Variants in GRIK4 observed in about 807,000 individuals in gnomAD.
GRIK4 encodes the protein glutamate receptor ionotropic, kainate 4.
A neutral mutation model predicts 104.9 loss-of-function variants in GRIK4; 40 were observed. That is an observed-to-expected ratio of 0.38 (90% CI 0.30 to 0.50). GRIK4 has a LOEUF of 0.50. Among genes scored for constraint, GRIK4 ranks in the 20% least tolerant of loss-of-function variants. The pLI, the probability that GRIK4 is intolerant of heterozygous loss-of-function variation, is 0.93. For missense variants in GRIK4, 1,047 were observed against 1,308.1 expected (o/e 0.80, Z 3.08); for synonymous variants, 485 against 524.9 (o/e 0.92, Z 1.04).
At chr11:120,674,390 G>A (rs1565288080) in intron 3 of GRIK4, among the ~76,000 whole-genome samples, 1 of 152,122 alleles carries the variant, frequency 6.6e-6, no homozygotes. Flanking sequence ...TCTAGATCTC[G>A]ACACGTGCCT....
At chr11:120,663,099 A>G (rs933198861) in intron 3 of GRIK4, among the ~76,000 whole-genome samples, 5 of 152,156 alleles carry the variant, frequency 3.3e-5, no homozygotes, top group Non-Finnish European at 5.9e-5. Flanking sequence ...TCCATCATCT[A>G]TCTTCTGAAA....
chr11:120,788,768 C>G (rs1952338712), intron 3 of GRIK4, among the ~76,000 whole-genome samples: 1 of 151,980 alleles, frequency 6.6e-6, no homozygotes, highest in African/African-American at 2.4e-5. Flanking sequence ...AACACCCTTC[C>G]TTGGAGGTTG....
Position 120,815,460 on chromosome 11 carries a change from C to G in GRIK4, c.330C>G (p.Ile110Met). ...CCTCCAGCTCCATCATCAGCAACATCTGTGGAGAGAAGGAGGTGAGTGTGA... is the reference window on the plus strand; with the variant it reads ...CCTCCAGCTCCATCATCAGCAACATGTGTGGAGAGAAGGAGGTGAGTGTGA... ...SPASSSIISNICGEKEVPHFK... is the reference protein window; with the variant it reads ...SPASSSIISNMCGEKEVPHFK... The change falls in exon 5 of 21, where the codon ATC (isoleucine) becomes ATG (methionine). Residue 110 changes from isoleucine (I) to methionine (M), a missense_variant. Around this residue, in one of 3 missense-constraint regions of GRIK4, gnomAD observed 447 missense variants for 514.9 expected, o/e 0.87. Transcript: ENST00000527524. The G allele has an allele frequency of 6.5e-7, 1 of 1,545,246 alleles. No individual in the cohort carries two copies. Among genetic ancestry groups the G allele is most frequent in the Non-Finnish European group, 8.8e-7 (1 of 1,142,006 alleles).
chr11:120,858,116 A>G (rs1445016150), intron 8 of GRIK4: 1 of 152,124 alleles, frequency 6.6e-6, no homozygotes, highest in African/African-American at 2.4e-5. Context: ...CCCCATGAGA[A>G]CCTGTTCCAC....
At chr11:120,884,957 G>A (rs757703205) in intron 11 of GRIK4, among the ~76,000 whole-genome samples, 8 of 152,218 alleles carry the variant, frequency 5.3e-5, no homozygotes, top group Non-Finnish European at 1.0e-4. Flanking sequence ...GCAAGTAACC[G>A]GCTTCCTTCC....
At chr11:120,753,727 G>A (rs1437861110) in intron 3 of GRIK4, among the ~76,000 whole-genome samples, 2 of 152,132 alleles carry the variant, frequency 1.3e-5, no homozygotes, top group African/African-American at 4.8e-5. Flanking sequence ...AAAATTAGAG[G>A]CTTGAGAATA....
chr11:120,791,158 A>G (rs1952386104), intron 3 of GRIK4, among the ~76,000 whole-genome samples: 1 of 152,104 alleles, frequency 6.6e-6, no homozygotes, highest in Non-Finnish European at 1.5e-5. Context: ...AGGGTGTAAA[A>G]TTGGGGGACA....
intron 9 of GRIK4, among the ~76,000 whole-genome samples, chr11:120,867,528 C>T (rs1210472985): frequency 1.3e-5 from 2 of 152,006 alleles, no homozygotes; most frequent in Non-Finnish European, 2.9e-5. Context: ...TTTCTTCACT[C>T]TTGGCACTTT....
intron 3 of GRIK4, among the ~76,000 whole-genome samples, chr11:120,799,879 C>T (rs142096464): frequency 5.6e-4 from 85 of 152,172 alleles, no homozygotes; most frequent in African/African-American, 2.0e-3. Context: ...CAGAGTTTTG[C>T]TCTTGTTGCC....
intron 1 of GRIK4, among the ~76,000 whole-genome samples, chr11:120,619,111 G>A (rs1268446927): frequency 2.0e-5 from 3 of 152,324 alleles, no homozygotes; most frequent in Admixed American, 2.0e-4. Flanking sequence ...AGCCACAAGA[G>A]GAGAGCTGCT....
intron 1 of GRIK4, among the ~76,000 whole-genome samples, chr11:120,603,113 A>T (rs1948909320): frequency 6.6e-6 from 1 of 152,220 alleles, no homozygotes; most frequent in Admixed American, 6.5e-5. Context: ...TCCAGAGCTG[A>T]GGTCACAAAT....
intron 19 of GRIK4, among the ~76,000 whole-genome samples, chr11:120,968,265 A>G (rs928563945): frequency 1.3e-5 from 2 of 152,170 alleles, no homozygotes; most frequent in Non-Finnish European, 2.9e-5. Context: ...TCTTGTTTCT[A>G]TCTATTGTAG....
chr11:120,536,685 G>T (rs927561444), intron 1 of GRIK4, among the ~76,000 whole-genome samples: 12 of 152,268 alleles, frequency 7.9e-5, no homozygotes, highest in Admixed American at 5.9e-4. Flanking sequence ...GGAGAAGGTG[G>T]ATTATCCAAT....
At chr11:120,621,675 C>G (rs1267036517) in intron 1 of GRIK4, among the ~76,000 whole-genome samples, 2 of 152,150 alleles carry the variant, frequency 1.3e-5, no homozygotes, top group African/African-American at 4.8e-5. Flanking sequence ...CAAGCATGTA[C>G]TAACTATGTA....
At chr11:120,726,326 T>C (rs1016750516) in intron 3 of GRIK4, among the ~76,000 whole-genome samples, 1 of 152,226 alleles carries the variant, frequency 6.6e-6, no homozygotes, top group Non-Finnish European at 1.5e-5. Context: ...ATCTGAGTTA[T>C]GCTTTAGAGA....
rs749161911 is a variant in GRIK4, at chr11:120,732,114, TTTTTG to T, written c.83-70559_83-70555del. The stretch of plus-strand genomic sequence containing the variant: ...TTTGCTCTTGGTTTTCTAGTTCTTG[TTTTTG>T]TTTTGTTTTGTTTTGTTTTTTGTTT... On this transcript the variant is annotated intron_variant, in intron 3 of 20. Coordinates refer to ENST00000527524, the MANE Select transcript of GRIK4 (RefSeq NM_014619.5). Among the ~76,000 whole-genome samples the T allele has an allele frequency of 3.4e-4, 51 of 152,058 alleles. 1 individual carries two copies. The highest frequency in any genetic ancestry group is 2.9e-3 in the Admixed American group (45 of 15,260).
chr11:120,561,699 A>G (rs1948241544), intron 1 of GRIK4, among the ~76,000 whole-genome samples: 1 of 152,200 alleles, frequency 6.6e-6, no homozygotes, highest in South Asian at 2.1e-4. Flanking sequence ...CTTTACTACC[A>G]CACGATTCTG....
At chr11:120,770,710 C>A (rs1951925163) in intron 3 of GRIK4, among the ~76,000 whole-genome samples, 1 of 152,194 alleles carries the variant, frequency 6.6e-6, no homozygotes. Flanking sequence ...GTATACTTAA[C>A]CTCTAATGTG....
At chr11:120,589,632 C>T (rs1394425442) in intron 1 of GRIK4, among the ~76,000 whole-genome samples, 1 of 152,138 alleles carries the variant, frequency 6.6e-6, no homozygotes, top group African/African-American at 2.4e-5. Context: ...TGGGAGCATT[C>T]CTTTTGCATT....
Sources: allele counts gnomAD v4.1 joint callset (sites outside exome capture counted in the v4.1 genomes callset), GRCh38; gene constraint gnomAD v4.1.1; regional missense constraint gnomAD v4.1.1; transcripts MANE v1.5; gene names NCBI Gene and HGNC (gene_info 2026-07-23, HGNC 2026-07-21).